The following TFAP2E variants were observed in gnomAD, a reference collection of about 807,000 sequenced individuals.
TFAP2E encodes transcription factor AP-2 epsilon.
TFAP2E carries 30 observed loss-of-function variants against 37.9 expected under a neutral mutation model. The observed-to-expected ratio is 0.79, with a 90% confidence interval of 0.59 to 1.07. The LOEUF is 1.07. Among genes scored for constraint, TFAP2E ranks in the 50% least tolerant of loss-of-function variants. The pLI is 0.00. For synonymous variants in TFAP2E, 318 were observed against 295.8 expected, an observed-to-expected ratio of 1.08 and a Z score of -0.77; for missense variants, 567 against 637.9, an observed-to-expected ratio of 0.89 and a Z score of 1.20.
intron 3 of TFAP2E, among the ~76,000 whole-genome samples, chr1:35,579,768 A>G (rs1486842381): frequency 1.3e-5 from 2 of 152,094 alleles, no homozygotes; most frequent in East Asian, 1.9e-4. Context: ...CACTTCCACA[A>G]CCCTTTCTCA....
In TFAP2E at chr1:35,573,535, G is replaced by C. The variant is rs530719315; in HGVS notation, c.-43G>C. The C allele has an allele frequency of 1.3e-4, 196 of 1,509,132 alleles. 3 individuals carry two copies. In the South Asian group the frequency reaches 2.1e-3, roughly 17 times the overall value. 93.5% of individuals were successfully genotyped at this position (1,509,132 alleles called of 1,614,324 possible). A position where few individuals can be genotyped will look rare whatever the true frequency, so the allele number is the denominator to read the frequency against. On this transcript the variant is annotated 5_prime_UTR_variant, in exon 1 of 7. Transcript: ENST00000373235. The surrounding 1 kb of genome is among the most constrained non-coding windows in gnomAD (Gnocchi z 5.9). ...CCCGCAGCGCTCGCCGTCGGGCTAG[G>C]GCTCCGCCGCCGCCACGCCTCGCGC...
chr1:35,581,734 G>A (rs1258621208), intron 3 of TFAP2E, among the ~76,000 whole-genome samples: 3 of 150,842 alleles, frequency 2.0e-5, no homozygotes, highest in Non-Finnish European at 4.4e-5. Context: ...CACCACGTCC[G>A]GCTAATTTTG....
At chr1:35,580,435 T>G (rs1649316467) in intron 3 of TFAP2E, among the ~76,000 whole-genome samples, 1 of 152,038 alleles carries the variant, frequency 6.6e-6, no homozygotes, top group African/African-American at 2.4e-5. Flanking sequence ...AGGAACCACA[T>G]GCATCAGGAC....
intron 3 of TFAP2E, among the ~76,000 whole-genome samples, chr1:35,587,636 CAAAA>C (rs553131997): frequency 5.8e-5 from 3 of 51,356 alleles, no homozygotes; most frequent in Non-Finnish European, 8.5e-5. Flanking sequence ...GACTCCATCT[CAAAA>C]AAAAAAAAAA....
At position 35,573,828 on chromosome 1, in the gene TFAP2E, G is replaced by T; in HGVS notation, c.28-99G>T. 7.2e-7 allele frequency: 1 copy of T among 1,384,066 alleles called. No individual in the cohort carries two copies. The highest frequency in any genetic ancestry group is 9.3e-7 in the Non-Finnish European group (1 of 1,069,958). The allele number at this position is 1,384,066 out of a possible 1,614,324, so 85.7% of individuals were successfully genotyped here. On this transcript the variant is annotated intron_variant, in intron 1 of 6. Transcript: ENST00000373235. The surrounding 1 kb of genome is among the most constrained non-coding windows in gnomAD (Gnocchi z 5.9). Reference sequence around the variant, plus strand: ...AACCTCGGGCCCCAAGAAACGGGAGGGACTGCAGCTGAACCCTCCCGAGCT... The same window carrying T: ...AACCTCGGGCCCCAAGAAACGGGAGTGACTGCAGCTGAACCCTCCCGAGCT...
In TFAP2E at chr1:35,577,394, T is replaced by C. The variant is rs1557433080; in HGVS notation, c.562+2394T>C. On this transcript the variant is annotated intron_variant, in intron 3 of 6. Coordinates refer to ENST00000373235, the MANE Select transcript of TFAP2E (RefSeq NM_178548.4). This position sits in a 1 kb window ranked among gnomAD's most constrained non-coding sequence, Gnocchi z 6.3. ...GTGGGGAGTGAATTAGCGCCCTCCTTCGTCCTCGGCCCTTCCGACGGCACG... is the reference window on the plus strand; with the variant it reads ...GTGGGGAGTGAATTAGCGCCCTCCTCCGTCCTCGGCCCTTCCGACGGCACG... 4.4e-6 allele frequency: 2 copies of C among 456,686 alleles called. No homozygotes were observed. The highest frequency in any genetic ancestry group is 8.8e-6 in the Non-Finnish European group (2 of 227,002). 28.3% of individuals were successfully genotyped at this position (456,686 alleles called of 1,614,324 possible). A position where few individuals can be genotyped will look rare whatever the true frequency, so the allele number is the denominator to read the frequency against.
rs905937071 is a variant in TFAP2E at position 35,573,553 on chromosome 1, C to A, written c.-25C>A. The A allele has an allele frequency of 1.1e-5, 17 of 1,515,644 alleles. No homozygotes were observed. The highest frequency in any genetic ancestry group is 1.4e-5 in the Non-Finnish European group (16 of 1,133,080). 93.9% of individuals were successfully genotyped at this position (1,515,644 alleles called of 1,614,324 possible). ...GGGCTAGGGCTCCGCCGCCGCCACG[C>A]CTCGCGCCCGGCACTCACCGCCCCA... On this transcript the variant is annotated 5_prime_UTR_variant, in exon 1 of 7. Transcript: ENST00000373235. The surrounding 1 kb of genome is among the most constrained non-coding windows in gnomAD (Gnocchi z 5.9).
In TFAP2E at chr1:35,593,393, A is replaced by C. The variant is rs550093722; in HGVS notation, c.1047-1001A>C. 4.6e-5 allele frequency among the ~76,000 whole-genome samples: 7 copies of C among 152,342 alleles called. No individual in the cohort carries two copies. The East Asian group carries it at 9.6e-4, about 21-fold the overall frequency. Reference sequence around the variant, plus strand: ...AAGTTCAAACTCTTTTGAGGGCCCCACAGTCTGGCCCACACAAACTCCACC... The same window carrying C: ...AAGTTCAAACTCTTTTGAGGGCCCCCCAGTCTGGCCCACACAAACTCCACC... On this transcript the variant is annotated intron_variant, in intron 6 of 6. Transcript: ENST00000373235.
At chr1:35,579,235 A>T (rs926112215) in intron 3 of TFAP2E, among the ~76,000 whole-genome samples, 3 of 151,630 alleles carry the variant, frequency 2.0e-5, no homozygotes, top group African/African-American at 7.3e-5. Flanking sequence ...GTTTCTACTA[A>T]AAATACAAAA....
intron 3 of TFAP2E, among the ~76,000 whole-genome samples, chr1:35,582,250 A>G (rs1260536631): frequency 6.6e-6 from 1 of 152,164 alleles, no homozygotes; most frequent in Non-Finnish European, 1.5e-5. Context: ...AATGACTAAT[A>G]ATGTTAAGAA....
At chr1:35,575,806 T>C (rs866935517) in intron 3 of TFAP2E, among the ~76,000 whole-genome samples, 12 of 152,232 alleles carry the variant, frequency 7.9e-5, no homozygotes, top group Non-Finnish European at 1.3e-4. Context: ...TTTCCAAGCA[T>C]GCGCGGGCCC....
Position 35,573,668 on chromosome 1 carries a change from T to C in TFAP2E, c.27+64T>C. On this transcript the variant is annotated intron_variant, in intron 1 of 6. Coordinates refer to ENST00000373235, the MANE Select transcript of TFAP2E (RefSeq NM_178548.4). The surrounding 1 kb of genome is among the most constrained non-coding windows in gnomAD (Gnocchi z 5.9). ...ATCGGGGCGCCTGAGTGCTGGACTT[T>C]CCAACCCTCCTGTCCCGCGCTAACG... The C allele has an allele frequency of 1.3e-6, 2 of 1,527,866 alleles. No homozygotes were observed. Among genetic ancestry groups the C allele is most frequent in the South Asian group, 1.2e-5 (1 of 81,356 alleles). The allele number at this position is 1,527,866 out of a possible 1,614,324, so 94.6% of individuals were successfully genotyped here. A position where few individuals can be genotyped will look rare whatever the true frequency, so the allele number is the denominator to read the frequency against.
At chr1:35,589,795 A>G in intron 4 of TFAP2E, 135 bp from the exon 5 acceptor site, 1 of 856,058 alleles carries the variant, frequency 1.2e-6, no homozygotes, top group Non-Finnish European at 1.9e-6. Context: ...AAGAGACCTC[A>G]GAGCATCCCC....
chr1:35,575,876 C>CGG (rs764205655), intron 3 of TFAP2E, among the ~76,000 whole-genome samples: 1 of 152,150 alleles, frequency 6.6e-6, no homozygotes, highest in Non-Finnish European at 1.5e-5. Context: ...TCCAGGGACA[C>CGG]GGGATCCACC....
At chr1:35,575,893 G>A (rs1346705250) in intron 3 of TFAP2E, among the ~76,000 whole-genome samples, 2 of 152,176 alleles carry the variant, frequency 1.3e-5, no homozygotes, top group South Asian at 2.1e-4. Context: ...CACCTTTTCT[G>A]GCCTGAGGAC....
chr1:35,574,561 GTT>G, intron 2 of TFAP2E, 152 bp downstream of exon 2: 1 of 1,303,594 alleles, frequency 7.7e-7, no homozygotes, highest in Non-Finnish European at 1.0e-6. Flanking sequence ...CACCTCCTGG[GTT>G]AGACGTTGCC....
At position 35,574,072 on chromosome 1, in the gene TFAP2E, C is replaced by A; in HGVS notation, c.173C>A (p.Pro58His). Residue 58 changes from proline (P) to histidine (H), a missense_variant, in exon 2 of 7, where the codon CCC becomes CAC. By Grantham distance (77) the Pro-to-His change is moderately conservative. Transcript: ENST00000373235. ...AEFQPPYFPPPYPQPPLPYGQ... is the reference protein window; with the variant it reads ...AEFQPPYFPPHYPQPPLPYGQ... ...TTCCAGCCGCCCTACTTCCCGCCGC[C>A]CTACCCGCAGCCACCGCTGCCCTAC... The A allele has an allele frequency of 6.8e-7, 1 of 1,480,656 alleles. No homozygotes were observed. Among genetic ancestry groups the A allele is most frequent in the Admixed American group, 2.2e-5 (1 of 46,138 alleles). The allele number at this position is 1,480,656 out of a possible 1,614,324, so 91.7% of individuals were successfully genotyped here.
In TFAP2E at chr1:35,573,537, C is replaced by T. The variant is rs1376812748; in HGVS notation, c.-41C>T. On this transcript the variant is annotated 5_prime_UTR_variant, in exon 1 of 7. Coordinates refer to ENST00000373235, the MANE Select transcript of TFAP2E (RefSeq NM_178548.4). This position sits in a 1 kb window ranked among gnomAD's most constrained non-coding sequence, Gnocchi z 5.9. ...CGCAGCGCTCGCCGTCGGGCTAGGG[C>T]TCCGCCGCCGCCACGCCTCGCGCCC... The T allele has an allele frequency of 2.6e-6, 4 of 1,510,446 alleles. No homozygotes were observed. Among genetic ancestry groups the T allele is most frequent in the Non-Finnish European group, 3.5e-6 (4 of 1,130,540 alleles). The allele number at this position is 1,510,446 out of a possible 1,614,324, so 93.6% of individuals were successfully genotyped here. A position where few individuals can be genotyped will look rare whatever the true frequency, so the allele number is the denominator to read the frequency against.
chr1:35,584,011 A>T (rs1649417741), intron 3 of TFAP2E, among the ~76,000 whole-genome samples: 1 of 152,228 alleles, frequency 6.6e-6, no homozygotes, highest in African/African-American at 2.4e-5. Context: ...ACTTGCAAAT[A>T]TCCATATCTA....
Sources: gnomAD v4.1 joint callset for allele counts (sites outside exome capture counted in the v4.1 genomes callset) on GRCh38, gnomAD v4.1.1 for gene constraint, Gnocchi (gnomAD v3.1) non-coding constraint, MANE v1.5 for transcripts, NCBI Gene and HGNC (gene_info 2026-07-23, HGNC 2026-07-21) for gene names.